TNS3: variants seen among roughly 807,000 people sequenced by gnomAD.
The protein encoded by TNS3 is tensin 3, also known as tensin-3.
TNS3 carries 45 observed loss-of-function variants against 140.9 expected under a neutral mutation model. The ratio of observed to expected loss-of-function variants is 0.32; its 90% CI spans 0.25 to 0.41. TNS3 has a LOEUF of 0.41. Ranked by LOEUF, TNS3 falls within the 10% of genes least tolerant of loss-of-function variation. The pLI, the probability that TNS3 is intolerant of heterozygous loss-of-function variation, is 1.00. For synonymous variants in TNS3, 815 were observed against 788.4 expected (o/e 1.03, Z -0.56); for missense variants, 1,716 against 1,906.7 (o/e 0.90, Z 1.86).
chr7:47,408,479 G>C (rs1793570609), intron 13 of TNS3, among the ~76,000 whole-genome samples: 1 of 152,014 alleles, frequency 6.6e-6, no homozygotes, highest in Non-Finnish European at 1.5e-5. Flanking sequence ...GGGGTGCTGG[G>C]GGCTCTTCCA....
chr7:47,376,657 C>T (rs1423735488), intron 16 of TNS3, among the ~76,000 whole-genome samples: 2 of 150,898 alleles, frequency 1.3e-5, no homozygotes, highest in Admixed American at 6.6e-5. Context: ...CCCTCCACTC[C>T]AAAAAAAGAT....
chr7:47,328,312 T>A (rs1020347526), intron 20 of TNS3, among the ~76,000 whole-genome samples: 2 of 152,228 alleles, frequency 1.3e-5, no homozygotes, highest in Non-Finnish European at 2.9e-5. Context: ...CAGACGGCCC[T>A]GGCCCCGCCT....
rs1394434691 is a variant in TNS3 at position 47,345,615 on chromosome 7, A to ATT, written c.2451+571_2451+572insAA. On this transcript the variant is annotated intron_variant, in intron 18 of 30. Transcript: ENST00000311160. Reference sequence around the variant, plus strand: ...ATAATTAATCGTTTTGGATACACCGACCTGCTTTACATCCATTCTGACTAG... The same window carrying ATT: ...ATAATTAATCGTTTTGGATACACCGATTCCTGCTTTACATCCATTCTGACTAG... Among the ~76,000 whole-genome samples, 463 of 152,288 alleles carry ATT rather than the reference A, an allele frequency of 3.0e-3. 2 individuals carry two copies. Among genetic ancestry groups the ATT allele is most frequent in the African/African-American group, 0.011 (437 of 41,550 alleles).
At chr7:47,500,473 G>A (rs763595833) in intron 3 of TNS3, among the ~76,000 whole-genome samples, 1 of 152,218 alleles carries the variant, frequency 6.6e-6, no homozygotes, top group Non-Finnish European at 1.5e-5. Context: ...AGAGGGAGCA[G>A]AACAAGCCTC....
chr7:47,404,167 C>G (rs1793313713), intron 13 of TNS3, among the ~76,000 whole-genome samples: 1 of 152,176 alleles, frequency 6.6e-6, no homozygotes, highest in Non-Finnish European at 1.5e-5. Flanking sequence ...AGCACCACAA[C>G]AAAGGCTGCG....
intron 4 of TNS3, among the ~76,000 whole-genome samples, chr7:47,475,541 G>T (rs1023485580): frequency 2.0e-5 from 3 of 152,248 alleles, no homozygotes; most frequent in South Asian, 4.1e-4. Context: ...CCCGGGGGGG[G>T]GGCCAGGCCC....
At chr7:47,286,971 A>G (rs1041799033) in intron 27 of TNS3, among the ~76,000 whole-genome samples, 1 of 152,196 alleles carries the variant, frequency 6.6e-6, no homozygotes, top group African/African-American at 2.4e-5. Flanking sequence ...TTTGGGCTGG[A>G]GAACACTTTA....
chr7:47,293,042 G>A (rs2150620831), intron 25 of TNS3, 137 bp from the exon 26 acceptor site: 1 of 655,242 alleles, frequency 1.5e-6, no homozygotes, highest in Non-Finnish European at 2.6e-6. Flanking sequence ...TTAGATTAGT[G>A]TGCAGCTTTG....
chr7:47,484,442 C>T (rs1562793771), intron 3 of TNS3, among the ~76,000 whole-genome samples: 1 of 152,226 alleles, frequency 6.6e-6, no homozygotes, highest in Non-Finnish European at 1.5e-5. Context: ...TCACACTTTT[C>T]CTCCCTTATA....
chr7:47,511,745 G>T (rs1295958884), intron 2 of TNS3, among the ~76,000 whole-genome samples: 1 of 152,116 alleles, frequency 6.6e-6, no homozygotes, highest in Non-Finnish European at 1.5e-5. Flanking sequence ...AACGAAGCAA[G>T]GGAAAATGCC....
chr7:47,405,435 TA>T, intron 13 of TNS3: 2 of 691,900 alleles, frequency 2.9e-6, no homozygotes, highest in Non-Finnish European at 5.3e-6. Context: ...ATTTGGAGGG[TA>T]AAAAGTTAGA....
Position 47,293,779 on chromosome 7 carries a change from G to T in TNS3, c.3726C>A (p.Thr1242=). 6.2e-7 allele frequency: 1 copy of T among 1,614,092 alleles called. No homozygotes were observed. Among genetic ancestry groups the T allele is most frequent in the Non-Finnish European group, 8.5e-7 (1 of 1,180,032 alleles). ...ELVRHFLIEC[T]PKGVRLKGCS... ...ACCCTTTCAACCGCACTCCCTTCGG[G>T]GTACACTCGATCAAAAAGTGCCGGA... The change falls in exon 25 of 31, where the codon ACC becomes ACA. Residue 1242 remains threonine, a synonymous_variant. Coordinates refer to ENST00000311160, the MANE Select transcript of TNS3 (RefSeq NM_022748.12).
At chr7:47,291,532 C>CG (rs1785701561) in intron 27 of TNS3, among the ~76,000 whole-genome samples, 2 of 152,062 alleles carry the variant, frequency 1.3e-5, no homozygotes, top group Non-Finnish European at 2.9e-5. Context: ...CCTGCTCTGT[C>CG]TGGCGAGCTG....
At chr7:47,496,035 G>A (rs193126084) in intron 3 of TNS3, among the ~76,000 whole-genome samples, 55 of 152,252 alleles carry the variant, frequency 3.6e-4, no homozygotes, top group Admixed American at 3.1e-3. Flanking sequence ...GGGCTGGGGA[G>A]AGGCCCCGAT....
At chr7:47,472,255 G>A (rs905967448) in intron 4 of TNS3, among the ~76,000 whole-genome samples, 5 of 152,206 alleles carry the variant, frequency 3.3e-5, no homozygotes, top group Non-Finnish European at 7.3e-5. Context: ...GGGGTTTCAG[G>A]TGGACATGAA....
chr7:47,372,809 G>A (rs1397660732), intron 16 of TNS3, among the ~76,000 whole-genome samples: 1 of 152,130 alleles, frequency 6.6e-6, no homozygotes. Context: ...AGACCAGGCT[G>A]GACTCTTGCT....
In TNS3 at chr7:47,464,096, G is replaced by A. The variant is rs111273411; in HGVS notation, c.-76+17007C>T. On this transcript the variant is annotated intron_variant, in intron 4 of 30. Coordinates refer to ENST00000311160, the MANE Select transcript of TNS3 (RefSeq NM_022748.12). ...TGCTGCTACAGAAAGCAAAGCCTTA[G>A]AGGAATCCTTCCTCCTGACAAGGAA... 1.9e-4 allele frequency among the ~76,000 whole-genome samples: 29 copies of A among 152,256 alleles called. 1 individual carries two copies. Among genetic ancestry groups the A allele is most frequent in the African/African-American group, 7.0e-4 (29 of 41,556 alleles).
chr7:47,543,847 C>T (rs1047878666), intron 1 of TNS3, among the ~76,000 whole-genome samples: 2 of 152,158 alleles, frequency 1.3e-5, no homozygotes, highest in African/African-American at 2.4e-5. Flanking sequence ...TGTCATTCTG[C>T]GACTGCCACA....
At chr7:47,547,693 C>G (rs1165296667) in intron 1 of TNS3, among the ~76,000 whole-genome samples, 1 of 152,244 alleles carries the variant, frequency 6.6e-6, no homozygotes, top group South Asian at 2.1e-4. Flanking sequence ...CCCACGTCTA[C>G]GCCGCCATCC....
Sources: allele counts gnomAD v4.1 joint callset (sites outside exome capture counted in the v4.1 genomes callset), GRCh38; gene constraint gnomAD v4.1.1; transcripts MANE v1.5; gene names NCBI Gene and HGNC (gene_info 2026-07-23, HGNC 2026-07-21).